The following RANBP2 variants were observed in gnomAD, a reference collection of about 807,000 sequenced individuals.
RANBP2 encodes RAN binding protein 2.
RANBP2 carries 57 observed loss-of-function variants against 303.6 expected under a neutral mutation model. The ratio of observed to expected loss-of-function variants is 0.19; its 90% confidence interval spans 0.15 to 0.23. RANBP2 has a LOEUF of 0.23. RANBP2 is among the 10% of genes least tolerant of loss of function. The pLI, the probability that RANBP2 is intolerant of heterozygous loss-of-function variation, is 1.00. For synonymous variants in RANBP2, 1,167 were observed against 1,301.5 expected (o/e 0.90, Z 2.23); for missense variants, 3,138 against 3,780.8 (o/e 0.83, Z 4.46).
At chr2:109,715,263 A>G in the RANBP2 span, among the ~76,000 whole-genome samples, 1 of 152,036 alleles carries the variant, frequency 6.6e-6, no homozygotes, top group Non-Finnish European at 1.5e-5. Flanking sequence ...CACAATGCCC[A>G]GCCTATAGTA....
downstream of RANBP2, chr2:108,788,862 T>A (rs778191021): frequency 7.6e-5 from 123 of 1,614,008 alleles, 1 homozygote; most frequent in Admixed American, 2.2e-4. Context: ...GTGATTTGGA[T>A]ATCTACTCTG....
the RANBP2 span, among the ~76,000 whole-genome samples, chr2:108,819,329 G>A: frequency 9.2e-5 from 14 of 152,242 alleles, no homozygotes; most frequent in South Asian, 2.1e-4. Context: ...ATTCCCTACC[G>A]TCTCCCTTGG....
At chr2:109,495,317 G>A in the RANBP2 span, among the ~76,000 whole-genome samples, 1 of 152,256 alleles carries the variant, frequency 6.6e-6, no homozygotes, top group African/African-American at 2.4e-5. Context: ...CTGGTGCAGG[G>A]CCAGGCAAGC....
intron 13 of RANBP2, 122 bp from the exon 14 acceptor site, chr2:108,753,304 A>G (rs1047686910): frequency 3.7e-6 from 6 of 1,604,546 alleles, no homozygotes; most frequent in African/African-American, 1.3e-5. Context: ...CACACATAAG[A>G]TATGACAGAG....
At chr2:109,128,676 C>T in the RANBP2 span, 2 of 164,044 alleles carry the variant, frequency 1.2e-5, no homozygotes, top group South Asian at 2.8e-4. Context: ...CGGGCGTCGG[C>T]TGTGTCCCCA....
chr2:109,280,715 G>C, the RANBP2 span, among the ~76,000 whole-genome samples: 1 of 152,216 alleles, frequency 6.6e-6, no homozygotes, highest in Non-Finnish European at 1.5e-5. Context: ...TGAGTATCTG[G>C]AGACGTTGGA....
chr2:109,521,884 G>A, the RANBP2 span, among the ~76,000 whole-genome samples: 1 of 152,086 alleles, frequency 6.6e-6, no homozygotes, highest in Non-Finnish European at 1.5e-5. Context: ...AATTGAAGCT[G>A]AGTCTTTGAA....
At chr2:109,242,147 G>T in the RANBP2 span, among the ~76,000 whole-genome samples, 1 of 152,092 alleles carries the variant, frequency 6.6e-6, no homozygotes, top group African/African-American at 2.4e-5. Flanking sequence ...GGCTCCCTGA[G>T]GAATCACTTC....
the RANBP2 span, among the ~76,000 whole-genome samples, chr2:109,039,932 T>G: frequency 6.6e-6 from 1 of 152,176 alleles, no homozygotes; most frequent in South Asian, 2.1e-4. Flanking sequence ...CTTTTCACTC[T>G]CCCAATGGTA....
the RANBP2 span, among the ~76,000 whole-genome samples, chr2:109,299,787 G>C: frequency 6.6e-6 from 1 of 152,176 alleles, no homozygotes; most frequent in South Asian, 2.1e-4. Context: ...GGAGGATGTG[G>C]CCGTGGTGTG....
At chr2:109,174,513 C>CG in the RANBP2 span, among the ~76,000 whole-genome samples, 1 of 152,196 alleles carries the variant, frequency 6.6e-6, no homozygotes, top group Non-Finnish European at 1.5e-5. Context: ...GCCAGGGCAA[C>CG]GGGCAGTCCT....
rs747511680 is a variant in RANBP2, at chr2:108,735,634, C to T, written c.508C>T (p.Arg170Trp). The change falls in exon 5 of 29, where the codon CGG (arginine) becomes TGG (tryptophan). Residue 170 changes from arginine (R) to tryptophan (W), a missense_variant. This residue lies in a region of RANBP2 where 306 missense variants were observed against 381.9 expected (regional missense o/e 0.80). Transcript: ENST00000283195. ...VRPDDVHVNIRLVEVYRSTKR... is the reference protein window; with the variant it reads ...VRPDDVHVNIWLVEVYRSTKR... ...ACCTGATGACGTCCATGTGAACATC[C>T]GGCTAGTGGAGGTGTATCGCTCAAC... The T allele has an allele frequency of 5.0e-6, 8 of 1,597,430 alleles. No individual in the cohort carries two copies. The highest frequency in any genetic ancestry group is 2.7e-5 in the African/African-American group (2 of 74,834).
At chr2:108,746,209 T>C (rs80044480) in intron 7 of RANBP2, among the ~76,000 whole-genome samples, 5 of 51,982 alleles carry the variant, frequency 9.6e-5, no homozygotes, top group African/African-American at 4.1e-4. Context: ...TGTCTGGCCC[T>C]TTTTTTTTTT....
the RANBP2 span, among the ~76,000 whole-genome samples, chr2:109,062,490 G>T: frequency 1.3e-5 from 2 of 152,004 alleles, no homozygotes; most frequent in Non-Finnish European, 2.9e-5. Context: ...TGTATAGCCG[G>T]GTGGATTTTT....
the RANBP2 span, among the ~76,000 whole-genome samples, chr2:109,138,470 A>C: frequency 1.1e-4 from 17 of 152,250 alleles, no homozygotes; most frequent in Non-Finnish European, 2.2e-4. Flanking sequence ...GGCTGTTGTA[A>C]AAATTAGCTT....
the RANBP2 span, among the ~76,000 whole-genome samples, chr2:109,417,375 C>T: frequency 0.44 from 67,413 of 151,976 alleles, 15,077 homozygotes; most frequent in Admixed American, 0.49. Context: ...GGGACACCTC[C>T]TCTTCCCTGT....
chr2:109,044,424 C>T, the RANBP2 span, among the ~76,000 whole-genome samples: 1 of 151,666 alleles, frequency 6.6e-6, no homozygotes. Flanking sequence ...TCGGGAGGCT[C>T]AGGCAGGAGA....
chr2:109,653,233 A>G, the RANBP2 span, among the ~76,000 whole-genome samples: 25 of 152,002 alleles, frequency 1.6e-4, no homozygotes, highest in African/African-American at 6.0e-4. Context: ...CGTCTCTACT[A>G]AAAGTACAAA....
At chr2:109,206,453 C>A in the RANBP2 span, among the ~76,000 whole-genome samples, 1 of 139,254 alleles carries the variant, frequency 7.2e-6, no homozygotes, top group African/African-American at 2.7e-5. Flanking sequence ...ATCGTGCCAC[C>A]GCACTCCAGC....
Sources: gnomAD v4.1 joint callset for allele counts (sites outside exome capture counted in the v4.1 genomes callset) on GRCh38, gnomAD v4.1.1 for gene constraint, gnomAD v4.1.1 regional missense constraint, MANE v1.5 for transcripts, NCBI Gene and HGNC (gene_info 2026-07-23, HGNC 2026-07-21) for gene names.